The following ASB5 variants were observed in gnomAD, a reference collection of about 807,000 sequenced individuals.
ASB5 encodes the protein ankyrin repeat and SOCS box protein 5.
Under a neutral mutation model 42.1 loss-of-function variants are expected in ASB5, and 45 were observed. The ratio of observed to expected loss-of-function variants is 1.07; its 90% CI spans 0.84 to 1.37. The LOEUF is 1.37. ASB5 is among the 40% of genes most tolerant of loss of function. ASB5 has a pLI of 0.00. For missense variants in ASB5, 402 were observed against 399.8 expected (o/e 1.01, Z -0.05); for synonymous variants, 147 against 150.6 (o/e 0.98, Z 0.18).
rs964342459 is a variant in ASB5, at chr4:176,215,734, G to T, written c.863-7C>A. The T allele has an allele frequency of 6.2e-7, 1 of 1,605,682 alleles. No individual in the cohort carries two copies. The highest frequency in any genetic ancestry group is 1.3e-5 in the African/African-American group (1 of 74,410). On this transcript the variant is annotated splice_polypyrimidine_tract_variant and splice_region_variant and intron_variant, in intron 6 of 6. Transcript: ENST00000296525. ...TAAAGAGAGCTTGGGGTAGCTACAAGAAGACATGAATCTATTTGTTAATTA... is the reference window on the plus strand; with the variant it reads ...TAAAGAGAGCTTGGGGTAGCTACAATAAGACATGAATCTATTTGTTAATTA...
At chr4:176,273,800 G>A (rs1415860109), upstream of ASB5, among the ~76,000 whole-genome samples, 2 of 152,154 alleles carry the variant, frequency 1.3e-5, no homozygotes, top group African/African-American at 4.8e-5. Context: ...TGGTAGTTCT[G>A]CATATATAAG....
intron 1 of ASB5, among the ~76,000 whole-genome samples, chr4:176,261,764 G>T (rs1033788111): frequency 6.6e-6 from 1 of 152,030 alleles, no homozygotes; most frequent in African/African-American, 2.4e-5. Context: ...GCGCCATATG[G>T]TTTTCTACCT....
At chr4:176,246,710 A>T (rs1753920036) in intron 1 of ASB5, among the ~76,000 whole-genome samples, 1 of 152,256 alleles carries the variant, frequency 6.6e-6, no homozygotes, top group Non-Finnish European at 1.5e-5. Flanking sequence ...GGTAGCTACA[A>T]AAACAAAACA....
chr4:176,241,294 A>G lies in ASB5; in HGVS notation c.197-15953T>C, dbSNP rs1245526673. On this transcript the variant is annotated intron_variant, in intron 1 of 6. Transcript: ENST00000296525. ...CTTTTAAGTCCTTTATCTCAGGACA[A>G]AAGTCTGTGATAATCTTTTTATTTC... Among the ~76,000 whole-genome samples the G allele has an allele frequency of 2.0e-5, 3 of 152,366 alleles. No homozygotes were observed. In the East Asian group the frequency reaches 5.8e-4, roughly 29 times the overall value.
chr4:176,227,613 G>T (rs1369589939), intron 1 of ASB5, among the ~76,000 whole-genome samples: 1 of 152,128 alleles, frequency 6.6e-6, no homozygotes, highest in African/African-American at 2.4e-5. Context: ...ATCCTTTGAG[G>T]TTGGCGCTAT....
At chr4:176,270,341 C>T (rs568419920), upstream of ASB5, among the ~76,000 whole-genome samples, 9 of 152,184 alleles carry the variant, frequency 5.9e-5, no homozygotes, top group African/African-American at 2.2e-4. Flanking sequence ...AAGGAGCATA[C>T]CCATGACTGG....
upstream of ASB5, among the ~76,000 whole-genome samples, chr4:176,271,623 G>A (rs946780276): frequency 2.0e-5 from 3 of 152,132 alleles, no homozygotes; most frequent in African/African-American, 7.2e-5. Flanking sequence ...TGTAGTACTA[G>A]AATGAATGAT....
intron 1 of ASB5, among the ~76,000 whole-genome samples, chr4:176,230,265 A>C (rs1213316642): frequency 3.3e-5 from 5 of 152,206 alleles, no homozygotes; most frequent in Admixed American, 2.6e-4. Flanking sequence ...TTCCCCCAAG[A>C]TAGGGAAACT....
chr4:176,246,060 C>G (rs1247939373), intron 1 of ASB5, among the ~76,000 whole-genome samples: 1 of 150,892 alleles, frequency 6.6e-6, no homozygotes, highest in Non-Finnish European at 1.5e-5. Flanking sequence ...AAAAATTACA[C>G]AGATAAAAAA....
At chr4:176,217,806 C>T (rs2126937890) in intron 5 of ASB5, among the ~76,000 whole-genome samples, 1 of 152,052 alleles carries the variant, frequency 6.6e-6, no homozygotes, top group East Asian at 1.9e-4. Flanking sequence ...TAAACGGTTA[C>T]AATACCAGAA....
At chr4:176,275,894 T>C (rs1285615825) in exon 2 of ASB5, 2 of 152,260 alleles carry the variant, frequency 1.3e-5, no homozygotes, top group Non-Finnish European at 2.9e-5. Flanking sequence ...GGAGGTAGAA[T>C]TTATTCTTCC....
At chr4:176,274,101 T>G (rs1375263888), upstream of ASB5, among the ~76,000 whole-genome samples, 1 of 152,190 alleles carries the variant, frequency 6.6e-6, no homozygotes, top group Non-Finnish European at 1.5e-5. Context: ...TAGCAAGATC[T>G]AAGCTTAAAG....
chr4:176,270,003 T>A (rs1754438206), upstream of ASB5, among the ~76,000 whole-genome samples: 7 of 152,316 alleles, frequency 4.6e-5, no homozygotes, highest in South Asian at 1.5e-3. Context: ...ACAATATACA[T>A]TTTAGGCCTA....
intron 1 of ASB5, among the ~76,000 whole-genome samples, chr4:176,235,899 A>C (rs913905368): frequency 6.6e-6 from 1 of 151,494 alleles, no homozygotes; most frequent in African/African-American, 2.4e-5. Context: ...TCCAGACTGG[A>C]GGGCAGTGAT....
In ASB5 at chr4:176,244,122, T is replaced by C. The variant is rs138292321; in HGVS notation, c.197-18781A>G. On this transcript the variant is annotated intron_variant, in intron 1 of 6. Transcript: ENST00000296525. The stretch of plus-strand genomic sequence containing the variant: ...TGTTTCTTTGCTCACTTTCTTTTGT[T>C]CTTTTAAATTTTTTTATAATCCCAT... 5.3e-5 allele frequency among the ~76,000 whole-genome samples: 8 copies of C among 152,334 alleles called. No individual in the cohort carries two copies. The East Asian group carries it at 1.5e-3, about 29-fold the overall frequency.
rs538940936 is a variant in ASB5, at chr4:176,243,627, T to C, written c.197-18286A>G. On this transcript the variant is annotated intron_variant, in intron 1 of 6. Coordinates refer to ENST00000296525, the MANE Select transcript of ASB5 (RefSeq NM_080874.4). The stretch of plus-strand genomic sequence containing the variant: ...AAATGATCCTCCCACCTCAGCCTCC[T>C]GAGTAGCTGGTATTACAGGCATGCG... Among the ~76,000 whole-genome samples, 18 of 152,144 alleles carry C rather than the reference T, an allele frequency of 1.2e-4. 1 individual carries two copies. The highest frequency in any genetic ancestry group is 4.1e-4 in the African/African-American group (17 of 41,530).
chr4:176,254,153 A>T (rs1754101526), intron 1 of ASB5, among the ~76,000 whole-genome samples: 1 of 152,196 alleles, frequency 6.6e-6, no homozygotes, highest in Non-Finnish European at 1.5e-5. Flanking sequence ...TCACATTACC[A>T]GAATCCAAAC....
chr4:176,239,690 T>C (rs1163015390), intron 1 of ASB5, among the ~76,000 whole-genome samples: 1 of 152,138 alleles, frequency 6.6e-6, no homozygotes, highest in Non-Finnish European at 1.5e-5. Context: ...TCTAGAATGC[T>C]TTAAGAAGGC....
upstream of ASB5, among the ~76,000 whole-genome samples, chr4:176,269,883 C>T (rs1754435541): frequency 6.6e-6 from 1 of 151,986 alleles, no homozygotes; most frequent in African/African-American, 2.4e-5. Context: ...ATTAAGGGAG[C>T]ACAAAGAGGA....
Sources: gnomAD v4.1 joint callset for allele counts (sites outside exome capture counted in the v4.1 genomes callset) on GRCh38, gnomAD v4.1.1 for gene constraint, MANE v1.5 for transcripts, NCBI Gene and HGNC (gene_info 2026-07-23, HGNC 2026-07-21) for gene names.